The following CACNA1D variants were observed in gnomAD, a reference collection of about 807,000 sequenced individuals.
CACNA1D encodes the protein voltage-dependent L-type calcium channel subunit alpha-1D.
In CACNA1D, 55 loss-of-function variants were observed where a neutral mutation model predicts 257.1. That is an observed-to-expected ratio of 0.21 (90% CI 0.17 to 0.27). CACNA1D has a LOEUF of 0.27. Ranked by LOEUF, CACNA1D falls within the 10% of genes least tolerant of loss-of-function variation. The pLI is 1.00. For missense variants in CACNA1D, 1,876 were observed against 2,784.0 expected, an observed-to-expected ratio of 0.67 and a Z score of 7.34; for synonymous variants, 980 against 1,014.9, an observed-to-expected ratio of 0.97 and a Z score of 0.65.
rs149443709 is a variant in CACNA1D at position 53,656,261 on chromosome 3, G to A, written c.624-3872G>A. ...GCTTAGGATTGCCTTGGCCATCCAG[G>A]CTCCTTTTTTGTTCCATATGAATTA... On this transcript the variant is annotated intron_variant, in intron 4 of 47. Coordinates refer to ENST00000350061, the MANE Select transcript of CACNA1D (RefSeq NM_001128840.3). Among the ~76,000 whole-genome samples, 215 of 152,196 alleles carry A rather than the reference G, an allele frequency of 1.4e-3. 1 individual carries two copies. The highest frequency in any genetic ancestry group is 5.0e-3 in the African/African-American group (207 of 41,522).
chr3:53,657,923 C>T (rs2094164093), intron 4 of CACNA1D, among the ~76,000 whole-genome samples: 1 of 152,212 alleles, frequency 6.6e-6, no homozygotes, highest in South Asian at 2.1e-4. Context: ...GAAGTTATTC[C>T]TTTAGAGAAA....
At chr3:53,566,612 G>A (rs1575897946) in intron 3 of CACNA1D, among the ~76,000 whole-genome samples, 1 of 152,124 alleles carries the variant, frequency 6.6e-6, no homozygotes, top group Non-Finnish European at 1.5e-5. Context: ...TTTAACTGCT[G>A]TTTCTTCCAC....
intron 3 of CACNA1D, among the ~76,000 whole-genome samples, chr3:53,645,837 A>G (rs962015105): frequency 1.3e-5 from 2 of 152,022 alleles, no homozygotes; most frequent in Admixed American, 1.3e-4. Context: ...TAGTCTGATG[A>G]GAAAGAGGGT....
chr3:53,730,749 C>T (rs1341388731), intron 16 of CACNA1D, among the ~76,000 whole-genome samples, 193 bp downstream of exon 16: 3 of 152,252 alleles, frequency 2.0e-5, no homozygotes, highest in African/African-American at 4.8e-5. Flanking sequence ...TCTTGGCTGT[C>T]ATCCCTCGGG....
chr3:53,623,042 C>A (rs1031242851), intron 3 of CACNA1D, among the ~76,000 whole-genome samples: 2 of 152,148 alleles, frequency 1.3e-5, no homozygotes, highest in Non-Finnish European at 2.9e-5. Context: ...CAGGCGCTCG[C>A]CAACACGTTT....
intron 5 of CACNA1D, among the ~76,000 whole-genome samples, chr3:53,663,029 T>G (rs2094220682): frequency 6.6e-6 from 1 of 152,152 alleles, no homozygotes; most frequent in South Asian, 2.1e-4. Context: ...TAATTGATCA[T>G]TTTTGAAAAA....
chr3:53,669,830 T>C (rs1247221844), intron 7 of CACNA1D, among the ~76,000 whole-genome samples: 1 of 152,196 alleles, frequency 6.6e-6, no homozygotes, highest in East Asian at 1.9e-4. Flanking sequence ...ACAGAGGCAG[T>C]AGGGTGTAGG....
rs2094346259 is a variant in CACNA1D, at chr3:53,673,577, AG to A, written c.1220+454del. The A allele has an allele frequency of 3.1e-6, 2 of 643,730 alleles. No homozygotes were observed. Among genetic ancestry groups the A allele is most frequent in the East Asian group, 2.8e-5 (1 of 35,464 alleles). 39.9% of individuals were successfully genotyped at this position (643,730 alleles called of 1,614,324 possible). A position where few individuals can be genotyped will look rare whatever the true frequency, so the allele number is the denominator to read the frequency against. On this transcript the variant is annotated intron_variant, in intron 8 of 47. Coordinates refer to ENST00000350061, the MANE Select transcript of CACNA1D (RefSeq NM_001128840.3). The surrounding 1 kb of genome is among the most constrained non-coding windows in gnomAD (Gnocchi z 4.1). ...CTTATTTGCAGAAAAAAAAAAAAAA[AG>A]GGAAGGACCTAGGCCCAGTCCCTGT...
intron 3 of CACNA1D, among the ~76,000 whole-genome samples, chr3:53,646,778 T>A (rs2094025533): frequency 6.6e-6 from 1 of 152,208 alleles, no homozygotes; most frequent in South Asian, 2.1e-4. Flanking sequence ...GAGGACAGGG[T>A]TCTGGCTTTG....
chr3:53,749,931 C>T (rs1389258202), intron 27 of CACNA1D, among the ~76,000 whole-genome samples: 2 of 152,312 alleles, frequency 1.3e-5, no homozygotes, highest in South Asian at 2.1e-4. Context: ...TTAGCAGCAT[C>T]CGTGGCTTCC....
chr3:53,496,784 T>TA (rs2090369892), intron 1 of CACNA1D, among the ~76,000 whole-genome samples: 1 of 152,206 alleles, frequency 6.6e-6, no homozygotes, highest in Non-Finnish European at 1.5e-5. Flanking sequence ...TATCTGTTAC[T>TA]CATTAGAGAT....
chr3:53,569,431 C>G (rs1312967535), intron 3 of CACNA1D, among the ~76,000 whole-genome samples: 1 of 152,194 alleles, frequency 6.6e-6, no homozygotes, highest in Non-Finnish European at 1.5e-5. Context: ...ATGGAGGACT[C>G]CGTTTACTGT....
intron 3 of CACNA1D, among the ~76,000 whole-genome samples, chr3:53,608,085 G>A (rs899314696): frequency 1.3e-5 from 2 of 152,168 alleles, no homozygotes; most frequent in Non-Finnish European, 2.9e-5. Flanking sequence ...ATATCTCAAT[G>A]TAGGGAGAAT....
chr3:53,695,957 T>G (rs2094569546), intron 8 of CACNA1D, among the ~76,000 whole-genome samples: 1 of 152,082 alleles, frequency 6.6e-6, no homozygotes, highest in Non-Finnish European at 1.5e-5. Context: ...TTTTCGTTAG[T>G]TTTTTTGTTT....
At position 53,730,545 on chromosome 3, in the gene CACNA1D, A is replaced by G; in HGVS notation, c.2325A>G (p.Lys775=). Residue 775 remains lysine (K), a synonymous_variant, in exon 16 of 48, where the codon AAA becomes AAG. Coordinates refer to ENST00000350061, the MANE Select transcript of CACNA1D (RefSeq NM_001128840.3). ...AAGAAGCGGAAGAAAAGGAGAGGAAAAAGATTGCCAGGTAACCCTATTTTC... is the reference window on the plus strand; with the variant it reads ...AAGAAGCGGAAGAAAAGGAGAGGAAGAAGATTGCCAGGTAACCCTATTTTC... The part of the protein sequence containing the change: ...QKEEAEEKER[K]KIARKESLEN... The G allele has an allele frequency of 6.2e-7, 1 of 1,612,646 alleles. No individual in the cohort carries two copies. Among genetic ancestry groups the G allele is most frequent in the Non-Finnish European group, 8.5e-7 (1 of 1,178,606 alleles).
At chr3:53,550,908 C>T (rs2092518836) in intron 3 of CACNA1D, among the ~76,000 whole-genome samples, 1 of 152,128 alleles carries the variant, frequency 6.6e-6, no homozygotes, top group South Asian at 2.1e-4. Context: ...TTTGTTTAGT[C>T]AGCTCCCTCT....
chr3:53,683,815 G>T (rs185742824), intron 8 of CACNA1D, among the ~76,000 whole-genome samples: 6 of 152,280 alleles, frequency 3.9e-5, no homozygotes, highest in South Asian at 4.1e-4. Flanking sequence ...AAGCAATCTG[G>T]TGTATATGAA....
At chr3:53,771,551 G>A (rs1559658986) in intron 32 of CACNA1D, among the ~76,000 whole-genome samples, 1 of 152,196 alleles carries the variant, frequency 6.6e-6, no homozygotes, top group Non-Finnish European at 1.5e-5. Flanking sequence ...GGAGAATGAG[G>A]TTGGAGGAAG....
chr3:53,740,412 C>G, intron 21 of CACNA1D, 73 bp downstream of exon 21: 1 of 989,268 alleles, frequency 1.0e-6, no homozygotes. Flanking sequence ...CTTTGTTTGC[C>G]TTCCAGATGC....
Sources: gnomAD v4.1 joint callset for allele counts (sites outside exome capture counted in the v4.1 genomes callset) on GRCh38, gnomAD v4.1.1 for gene constraint, Gnocchi (gnomAD v3.1) non-coding constraint, MANE v1.5 for transcripts, NCBI Gene and HGNC (gene_info 2026-07-23, HGNC 2026-07-21) for gene names.